Variants in SORCS2 observed in about 807,000 individuals in gnomAD.
SORCS2 encodes VPS10 domain-containing receptor SorCS2.
SORCS2 carries 100 observed loss-of-function variants against 141.6 expected under a neutral mutation model. The observed-to-expected ratio is 0.71, with a 90% CI of 0.60 to 0.83. The LOEUF (loss-of-function observed/expected upper bound fraction) is 0.83. Ranked by LOEUF, SORCS2 falls within the 40% of genes least tolerant of loss-of-function variation. SORCS2 has a pLI of 0.00. For synonymous variants in SORCS2, 789 were observed against 676.9 expected, an observed-to-expected ratio of 1.17 and a Z score of -2.57; for missense variants, 1,646 against 1,560.2, an observed-to-expected ratio of 1.05 and a Z score of -0.93.
intron 1 of SORCS2, among the ~76,000 whole-genome samples, chr4:7,316,415 C>G (rs9995444): frequency 0.31 from 47,503 of 152,026 alleles, 7,603 homozygotes; most frequent in South Asian, 0.43. Flanking sequence ...TGACAATCTT[C>G]TATATGCCAG....
chr4:7,640,476 G>T (rs955524968), intron 4 of SORCS2, among the ~76,000 whole-genome samples: 1 of 98,602 alleles, frequency 1.0e-5, no homozygotes, highest in African/African-American at 3.5e-5. Context: ...GTGTGTGTGT[G>T]TGAGAGAGAG....
chr4:7,603,161 G>A (rs902454441), intron 3 of SORCS2, among the ~76,000 whole-genome samples: 1 of 151,770 alleles, frequency 6.6e-6, no homozygotes, highest in Admixed American at 6.6e-5. Flanking sequence ...GAGAGAGGGA[G>A]AGGGAGACCA....
intron 2 of SORCS2, among the ~76,000 whole-genome samples, chr4:7,508,990 G>A (rs915754947): frequency 1.6e-4 from 24 of 152,190 alleles, no homozygotes; most frequent in African/African-American, 4.3e-4. Flanking sequence ...TGAACCTCGC[G>A]GAGACTGGGG....
chr4:7,292,446 T>C (rs368412256), intron 1 of SORCS2, among the ~76,000 whole-genome samples: 1 of 152,198 alleles, frequency 6.6e-6, no homozygotes, highest in East Asian at 1.9e-4. Context: ...GATGCACTGG[T>C]GTGGATCGTG....
intron 1 of SORCS2, among the ~76,000 whole-genome samples, chr4:7,370,175 G>A (rs1722158521): frequency 6.6e-6 from 1 of 152,188 alleles, no homozygotes; most frequent in Non-Finnish European, 1.5e-5. Context: ...TCCTGGGGGA[G>A]ACTGTGCCCA....
rs1166626968 is a variant in SORCS2 at position 7,741,739 on chromosome 4, T to TGC, written c.*1476_*1477dup. The TGC allele has an allele frequency of 1.9e-4, 30 of 155,054 alleles. No homozygotes were observed. The highest frequency in any genetic ancestry group is 5.3e-4 in the African/African-American group (22 of 41,380). The allele number at this position is 155,054 out of a possible 1,614,324, so 9.6% of individuals were successfully genotyped here. A position where few individuals can be genotyped will look rare whatever the true frequency, so the allele number is the denominator to read the frequency against. On this transcript the variant is annotated 3_prime_UTR_variant, in exon 27 of 27. Coordinates refer to ENST00000507866, the MANE Select transcript of SORCS2 (RefSeq NM_020777.3). ...AACGCCAGAGCCCTGGCTGGTGACA[T>TGC]GCTGGCTGGGGGTGAATCCGAATGA...
intron 1 of SORCS2, among the ~76,000 whole-genome samples, chr4:7,340,812 C>T (rs900592266): frequency 1.3e-5 from 2 of 152,220 alleles, no homozygotes; most frequent in African/African-American, 4.8e-5. Context: ...CGCTTGGGAC[C>T]CATTGAGAAA....
intron 4 of SORCS2, among the ~76,000 whole-genome samples, chr4:7,644,460 C>T (rs1720933511): frequency 1.3e-5 from 2 of 152,342 alleles, no homozygotes; most frequent in South Asian, 4.1e-4. Context: ...GTCTCTGCCT[C>T]ACTTTCATCT....
At chr4:7,243,498 G>T (rs1449150996) in intron 1 of SORCS2, among the ~76,000 whole-genome samples, 2 of 152,154 alleles carry the variant, frequency 1.3e-5, no homozygotes, top group African/African-American at 4.8e-5. Flanking sequence ...GGCTGGAGGA[G>T]CCCGGGCTCC....
chr4:7,583,507 G>T (rs1716318138), intron 3 of SORCS2, among the ~76,000 whole-genome samples: 1 of 152,174 alleles, frequency 6.6e-6, no homozygotes, highest in African/African-American at 2.4e-5. Context: ...TTTAATTGTA[G>T]CTCCCATAAT....
chr4:7,547,890 C>A (rs1713388977), intron 3 of SORCS2, among the ~76,000 whole-genome samples: 1 of 152,206 alleles, frequency 6.6e-6, no homozygotes, highest in Non-Finnish European at 1.5e-5. Context: ...CATGCACAAA[C>A]AAACTGATTA....
chr4:7,521,691 C>T (rs1733340420), intron 2 of SORCS2, among the ~76,000 whole-genome samples: 1 of 152,222 alleles, frequency 6.6e-6, no homozygotes, highest in South Asian at 2.1e-4. Context: ...GCACCTGTCA[C>T]CTCTGCTGAG....
chr4:7,343,419 G>A (rs191050301), intron 1 of SORCS2, among the ~76,000 whole-genome samples: 33 of 152,346 alleles, frequency 2.2e-4, no homozygotes, highest in African/African-American at 6.3e-4. Context: ...TAAGGTCGGC[G>A]TCCCTGTCCC....
intron 3 of SORCS2, among the ~76,000 whole-genome samples, chr4:7,535,295 G>A (rs1001964886): frequency 6.6e-6 from 1 of 152,234 alleles, no homozygotes. Flanking sequence ...TGCAGGAACT[G>A]CTGTCTCGGA....
intron 2 of SORCS2, among the ~76,000 whole-genome samples, chr4:7,514,457 C>G (rs1201497105): frequency 6.6e-6 from 1 of 151,674 alleles, no homozygotes; most frequent in African/African-American, 2.4e-5. Flanking sequence ...AAAACAAAAT[C>G]CAGGCCTGTT....
intron 2 of SORCS2, chr4:7,433,682 T>C (rs1396623254): frequency 1.2e-6 from 2 of 1,612,362 alleles, no homozygotes; most frequent in Admixed American, 1.7e-5. Flanking sequence ...AGCAGCCTCT[T>C]GCACCCATTG....
chr4:7,287,347 G>T (rs144683860), intron 1 of SORCS2, among the ~76,000 whole-genome samples: 44 of 152,318 alleles, frequency 2.9e-4, no homozygotes, highest in African/African-American at 1.0e-3. Context: ...GGGTCCTCCC[G>T]TCTGGGTGCG....
intron 2 of SORCS2, among the ~76,000 whole-genome samples, chr4:7,443,826 C>T (rs1727829654): frequency 1.3e-5 from 2 of 152,250 alleles, no homozygotes; most frequent in African/African-American, 4.8e-5. Context: ...TCTGTGGCTC[C>T]TCCCACGGCA....
chr4:7,570,833 G>C (rs532764337), intron 3 of SORCS2, among the ~76,000 whole-genome samples: 99 of 152,332 alleles, frequency 6.5e-4, no homozygotes, highest in African/African-American at 2.0e-3. Context: ...GGCAGGGGAT[G>C]GGGGTGGGAG....
Sources: gnomAD v4.1 joint callset for allele counts (sites outside exome capture counted in the v4.1 genomes callset) on GRCh38, gnomAD v4.1.1 for gene constraint, MANE v1.5 for transcripts, NCBI Gene and HGNC (gene_info 2026-07-23, HGNC 2026-07-21) for gene names.